Variants in GRK5 observed in about 807,000 individuals in gnomAD.
The protein encoded by GRK5 is g protein-coupled receptor kinase GRK5.
A neutral mutation model predicts 78.4 loss-of-function variants in GRK5; 40 were observed. The ratio of observed to expected loss-of-function variants is 0.51; its 90% CI spans 0.40 to 0.66. GRK5 has a LOEUF of 0.66. GRK5 is among the 30% of genes least tolerant of loss of function. The probability of loss-of-function intolerance (pLI) is 0.00; values close to 1 mark genes in which losing one functional copy is unlikely to be tolerated. For missense variants in GRK5, 598 were observed against 759.9 expected (o/e 0.79, Z 2.50); for synonymous variants, 289 against 296.8 (o/e 0.97, Z 0.27).
intron 1 of GRK5, among the ~76,000 whole-genome samples, chr10:119,312,011 G>A (rs1425929070): frequency 6.6e-6 from 1 of 150,756 alleles, no homozygotes; most frequent in African/African-American, 2.4e-5. Flanking sequence ...CCACCTCCCG[G>A]GTTCACGCCA....
chr10:119,394,275 C>CCGTGTATCTATGTGTGTGTGTGT (rs1554916264), intron 3 of GRK5, among the ~76,000 whole-genome samples: 2 of 19,160 alleles, frequency 1.0e-4, no homozygotes, highest in African/African-American at 4.5e-4. Context: ...TGTGTGTGGG[C>CCGTGTATCTATGTGTGTGTGTGT]GTGTGTGTGG....
chr10:119,335,168 CTCTCT>C (rs1564895388), intron 2 of GRK5, among the ~76,000 whole-genome samples: 11 of 143,006 alleles, frequency 7.7e-5, no homozygotes, highest in African/African-American at 3.1e-4. Flanking sequence ...CTCTCTCTCT[CTCTCT>C]CTCCCCCTCT....
At chr10:119,404,794 G>A (rs564703081) in intron 4 of GRK5, among the ~76,000 whole-genome samples, 2 of 152,296 alleles carry the variant, frequency 1.3e-5, no homozygotes, top group East Asian at 1.9e-4. Context: ...CATCCCAGGG[G>A]CTTTGAGCCC....
intron 1 of GRK5, among the ~76,000 whole-genome samples, chr10:119,258,671 G>A (rs913176101): frequency 6.6e-6 from 1 of 152,174 alleles, no homozygotes; most frequent in Non-Finnish European, 1.5e-5. Flanking sequence ...TTTAGTTTAG[G>A]TTCCCCAGAA....
chr10:119,406,787 A>G (rs899110903), intron 4 of GRK5, among the ~76,000 whole-genome samples: 2 of 152,200 alleles, frequency 1.3e-5, no homozygotes, highest in African/African-American at 4.8e-5. Flanking sequence ...TTCTCAAGCA[A>G]CAGTAGTGAG....
chr10:119,449,501 C>T (rs148939104), intron 13 of GRK5, among the ~76,000 whole-genome samples: 1 of 152,290 alleles, frequency 6.6e-6, no homozygotes, highest in Non-Finnish European at 1.5e-5. Context: ...ACGGGGGCCA[C>T]TGAGAATATA....
intron 2 of GRK5, among the ~76,000 whole-genome samples, 177 bp from the exon 3 acceptor site, chr10:119,380,638 T>C (rs144151801): frequency 0.01 from 1,541 of 152,320 alleles, 23 homozygotes; most frequent in Non-Finnish European, 0.013. Context: ...GGTGCCTTCT[T>C]CTACACTGAC....
At chr10:119,344,473 T>G (rs1285151582) in intron 2 of GRK5, among the ~76,000 whole-genome samples, 1 of 152,204 alleles carries the variant, frequency 6.6e-6, no homozygotes, top group Non-Finnish European at 1.5e-5. Context: ...GGTTTTTCTT[T>G]GTGACGCCCG....
intron 1 of GRK5, among the ~76,000 whole-genome samples, chr10:119,233,372 G>C (rs1252585192): frequency 6.6e-6 from 1 of 152,214 alleles, no homozygotes; most frequent in East Asian, 1.9e-4. Flanking sequence ...ATGGGGATGG[G>C]ATTCTTGGTT....
chr10:119,318,459 T>C (rs981452399), intron 1 of GRK5, among the ~76,000 whole-genome samples: 4 of 152,194 alleles, frequency 2.6e-5, no homozygotes, highest in Non-Finnish European at 5.9e-5. Flanking sequence ...AAGGATGGTA[T>C]GTGAACCTGT....
chr10:119,243,337 T>C (rs1849055415), intron 1 of GRK5, among the ~76,000 whole-genome samples: 1 of 152,208 alleles, frequency 6.6e-6, no homozygotes, highest in African/African-American at 2.4e-5. Context: ...TGATGGGTTA[T>C]GTACCTATTA....
chr10:119,342,647 A>G (rs1043049717), intron 2 of GRK5, among the ~76,000 whole-genome samples: 9 of 152,120 alleles, frequency 5.9e-5, no homozygotes, highest in Admixed American at 2.6e-4. Context: ...GGTGGTTGCC[A>G]GGTCCCGCCA....
chr10:119,271,637 T>G lies in GRK5; in HGVS notation c.53-54879T>G, dbSNP rs1469178347. Reference sequence around the variant, plus strand: ...CAGTGCTGGGCTGGTGTGTGCGGGGTTTTGTCGCCACCTTTGGCAATGGAA... The same window carrying G: ...CAGTGCTGGGCTGGTGTGTGCGGGGGTTTGTCGCCACCTTTGGCAATGGAA... On this transcript the variant is annotated intron_variant, in intron 1 of 15. Coordinates refer to ENST00000392870, the MANE Select transcript of GRK5 (RefSeq NM_005308.3). This position sits in a 1 kb window ranked among gnomAD's most constrained non-coding sequence, Gnocchi z 4.1. Among the ~76,000 whole-genome samples the G allele has an allele frequency of 6.6e-6, 1 of 151,848 alleles. No homozygotes were observed. Among genetic ancestry groups the G allele is most frequent in the Non-Finnish European group, 1.5e-5 (1 of 67,970 alleles).
intron 1 of GRK5, among the ~76,000 whole-genome samples, chr10:119,314,562 A>G (rs1268749070): frequency 6.6e-6 from 1 of 152,026 alleles, no homozygotes; most frequent in Admixed American, 6.6e-5. Context: ...TGCGGGATAC[A>G]CTCAAAGGCA....
At position 119,303,895 on chromosome 10, in the gene GRK5, G is replaced by A. The variant is rs116208853; in HGVS notation, c.53-22621G>A. 8.5e-3 allele frequency among the ~76,000 whole-genome samples: 1,289 copies of A among 152,154 alleles called. 15 individuals are homozygous for A. The highest frequency in any genetic ancestry group is 0.03 in the African/African-American group (1,232 of 41,486). On this transcript the variant is annotated intron_variant, in intron 1 of 15. Transcript: ENST00000392870. ...TCCCTTGGGTTTGGGGCTCAACTAG[G>A]GCTCCTTTGATCACTCATCTCCCAC...
Position 119,234,629 on chromosome 10 carries a change from CCTTTTCTTTTCTATT to C in GRK5, c.52+26673_52+26687del, listed in dbSNP as rs1050090691. Among the ~76,000 whole-genome samples the C allele has an allele frequency of 2.9e-4, 44 of 152,020 alleles. 1 individual carries two copies. The highest frequency in any genetic ancestry group is 9.7e-4 in the African/African-American group (40 of 41,390). The stretch of plus-strand genomic sequence containing the variant: ...TTTTCTTTTCTCCTTCCCCTCCCCT[CCTTTTCTTTTCTATT>C]CTTTTCTTTTCTCCCTCCCCTTTTT... On this transcript the variant is annotated intron_variant, in intron 1 of 15. Transcript: ENST00000392870.
chr10:119,316,506 C>T (rs1850489213), intron 1 of GRK5, among the ~76,000 whole-genome samples: 1 of 152,222 alleles, frequency 6.6e-6, no homozygotes, highest in Admixed American at 6.5e-5. Flanking sequence ...GTGGGGGTCC[C>T]CAGGCCACTG....
intron 8 of GRK5, among the ~76,000 whole-genome samples, chr10:119,436,140 A>G (rs908669019): frequency 5.3e-5 from 8 of 152,246 alleles, no homozygotes; most frequent in African/African-American, 1.9e-4. Flanking sequence ...GTGGGGACAC[A>G]GAGCCAAACC....
At chr10:119,313,694 T>C (rs1462429175) in intron 1 of GRK5, among the ~76,000 whole-genome samples, 1 of 151,776 alleles carries the variant, frequency 6.6e-6, no homozygotes, top group African/African-American at 2.4e-5. Flanking sequence ...CCTGGAAGGG[T>C]TTCCTGGGAG....
Sources: gnomAD v4.1 joint callset for allele counts (sites outside exome capture counted in the v4.1 genomes callset) on GRCh38, gnomAD v4.1.1 for gene constraint, Gnocchi (gnomAD v3.1) non-coding constraint, MANE v1.5 for transcripts, NCBI Gene and HGNC (gene_info 2026-07-23, HGNC 2026-07-21) for gene names.